GIGYF2: variants seen among roughly 807,000 people sequenced by gnomAD.
The protein encoded by GIGYF2 is GRB10-interacting GYF protein 2.
In GIGYF2, 25 loss-of-function variants were observed where a neutral mutation model predicts 208.1. That is an observed-to-expected ratio of 0.12 (90% CI 0.09 to 0.17). The LOEUF is 0.17. GIGYF2 is among the 10% of genes least tolerant of loss of function. GIGYF2 has a pLI of 1.00. For missense variants in GIGYF2, 1,302 were observed against 1,579.4 expected (o/e 0.82, Z 2.98); for synonymous variants, 534 against 543.8 (o/e 0.98, Z 0.25).
chr2:232,757,830 T>C (rs1266509812), intron 6 of GIGYF2, among the ~76,000 whole-genome samples: 1 of 135,326 alleles, frequency 7.4e-6, no homozygotes, highest in Non-Finnish European at 1.7e-5. Flanking sequence ...TTCTCCTTGC[T>C]TTTTGGTTTA....
chr2:232,740,138 G>T (rs995106475), intron 3 of GIGYF2, among the ~76,000 whole-genome samples: 7 of 151,780 alleles, frequency 4.6e-5, no homozygotes, highest in Admixed American at 1.3e-4. Context: ...ACGAATATTT[G>T]GTGATTTAAA....
chr2:232,729,737 A>T, intron 2 of GIGYF2: 5 of 754,856 alleles, frequency 6.6e-6, no homozygotes, highest in Non-Finnish European at 1.2e-5. Context: ...TAATTTTGCC[A>T]TATCTGTCTT....
intron 2 of GIGYF2, among the ~76,000 whole-genome samples, chr2:232,729,207 T>C (rs114346957): frequency 6.2e-4 from 94 of 152,306 alleles, no homozygotes; most frequent in Non-Finnish European, 1.2e-3. Context: ...CTTGAACTTC[T>C]GAGCTCAAGT....
At chr2:232,789,931 A>G (rs753604934) in intron 9 of GIGYF2, among the ~76,000 whole-genome samples, 2 of 151,984 alleles carry the variant, frequency 1.3e-5, no homozygotes, top group Non-Finnish European at 2.9e-5. Context: ...CCGTAGGGGT[A>G]TTATATGGAT....
At chr2:232,825,536 T>C (rs1015425576) in intron 21 of GIGYF2, among the ~76,000 whole-genome samples, 10 of 152,070 alleles carry the variant, frequency 6.6e-5, no homozygotes, top group Non-Finnish European at 1.0e-4. Flanking sequence ...ATGGTAAAGT[T>C]TGAATGTGTC....
chr2:232,819,913 T>C lies in GIGYF2; in HGVS notation c.2457T>C (p.Ala819=). ...AAGAAAGACAGCAGCAAGAAGAAGC[T>C]CTTAGAAGACTGGAAGAGAGGAGAA... The part of the protein sequence containing the change: ...EEEERQQQEE[A]LRRLEERRRE... The change falls in exon 21 of 29, where the codon GCT becomes GCC. Residue 819 remains alanine (A), a synonymous_variant. Transcript: ENST00000373563. 1 of 1,581,562 alleles carries C rather than the reference T, an allele frequency of 6.3e-7. No individual in the cohort carries two copies. The highest frequency in any genetic ancestry group is 8.7e-7 in the Non-Finnish European group (1 of 1,151,986).
intron 3 of GIGYF2, among the ~76,000 whole-genome samples, chr2:232,746,518 C>T (rs1698156731): frequency 2.0e-5 from 3 of 152,148 alleles, no homozygotes; most frequent in Non-Finnish European, 4.4e-5. Flanking sequence ...AGTTTTTCCA[C>T]TTGCTGTCTG....
At position 232,810,919 on chromosome 2, in the gene GIGYF2, G is replaced by A. The variant is rs1363951357; in HGVS notation, c.1899-325G>A. 1.1e-5 allele frequency: 3 copies of A among 269,414 alleles called. No homozygotes were observed. The East Asian group carries it at 2.7e-4, about 25-fold the overall frequency. The allele number at this position is 269,414 out of a possible 1,614,324, so 16.7% of individuals were successfully genotyped here. A position where few individuals can be genotyped will look rare whatever the true frequency, so the allele number is the denominator to read the frequency against. On this transcript the variant is annotated intron_variant, in intron 16 of 28. Transcript: ENST00000373563. ...ATTTTTCATTTGATTTCTGATAAAAGGTTATCTTTGGAGTTTACCAATTTT... is the reference window on the plus strand; with the variant it reads ...ATTTTTCATTTGATTTCTGATAAAAAGTTATCTTTGGAGTTTACCAATTTT...
rs939593360 is a variant in GIGYF2, at chr2:232,845,296, G to A, written c.3306-436G>A. Among the ~76,000 whole-genome samples, 4 of 152,182 alleles carry A rather than the reference G, an allele frequency of 2.6e-5. 1 individual carries two copies. Among genetic ancestry groups the A allele is most frequent in the Admixed American group, 1.3e-4 (2 of 15,276 alleles). On this transcript the variant is annotated intron_variant, in intron 25 of 28. Coordinates refer to ENST00000373563, the MANE Select transcript of GIGYF2 (RefSeq NM_001103146.3). Reference sequence around the variant, plus strand: ...TCAGATTGTTTCTTCTTGATTTAGGGCCTAACATATTATGAATAGAACAAT... The same window carrying A: ...TCAGATTGTTTCTTCTTGATTTAGGACCTAACATATTATGAATAGAACAAT...
intron 6 of GIGYF2, among the ~76,000 whole-genome samples, chr2:232,759,325 C>T (rs902606113): frequency 1.2e-4 from 18 of 152,118 alleles, no homozygotes; most frequent in African/African-American, 4.3e-4. Context: ...GCTAAGATTT[C>T]ACCTAGTTAC....
At chr2:232,840,563 G>A (rs1172548178) in intron 23 of GIGYF2, among the ~76,000 whole-genome samples, 1 of 152,008 alleles carries the variant, frequency 6.6e-6, no homozygotes, top group Non-Finnish European at 1.5e-5. Flanking sequence ...TTCAACACAT[G>A]TTTACTGAGT....
At chr2:232,706,966 AT>A (rs1199820455) in intron 2 of GIGYF2, among the ~76,000 whole-genome samples, 2,706 of 85,398 alleles carry the variant, frequency 0.032, 90 homozygotes, top group African/African-American at 0.094. Flanking sequence ...AAAAAAAAAA[AT>A]TTTTTTTTTC....
chr2:232,768,766 T>G, intron 8 of GIGYF2: 1 of 1,599,990 alleles, frequency 6.3e-7, no homozygotes, highest in Non-Finnish European at 8.5e-7. Context: ...GTAAAGCGAA[T>G]TGAAAAAGCT....
At chr2:232,739,491 A>G (rs1447521164) in intron 3 of GIGYF2, among the ~76,000 whole-genome samples, 1 of 149,530 alleles carries the variant, frequency 6.7e-6, no homozygotes, top group Non-Finnish European at 1.5e-5. Flanking sequence ...TCGGCAACAC[A>G]GTGAGATCCT....
chr2:232,739,007 A>G (rs1446905617), intron 3 of GIGYF2, among the ~76,000 whole-genome samples: 1 of 152,168 alleles, frequency 6.6e-6, no homozygotes, highest in African/African-American at 2.4e-5. Flanking sequence ...TTCATTAACA[A>G]AATAAACACA....
At chr2:232,729,403 G>T in intron 2 of GIGYF2, 1 of 458,172 alleles carries the variant, frequency 2.2e-6, no homozygotes, top group Non-Finnish European at 3.6e-6. Flanking sequence ...GCAGAACACT[G>T]TTCTGAGTAA....
intron 14 of GIGYF2, among the ~76,000 whole-genome samples, chr2:232,796,759 G>T (rs997286317): frequency 1.3e-5 from 2 of 151,920 alleles, no homozygotes; most frequent in Non-Finnish European, 2.9e-5. Flanking sequence ...ACTCGGGAGG[G>T]TGAGGCAGGA....
Position 232,739,570 on chromosome 2 carries a change from T to C in GIGYF2, c.41+4332T>C, listed in dbSNP as rs188842395. Among the ~76,000 whole-genome samples the C allele has an allele frequency of 4.0e-5, 6 of 151,834 alleles. No homozygotes were observed. The East Asian group carries it at 7.8e-4, about 20-fold the overall frequency. On this transcript the variant is annotated intron_variant, in intron 3 of 28. Coordinates refer to ENST00000373563, the MANE Select transcript of GIGYF2 (RefSeq NM_001103146.3). ...GGTGCATATGTTTGGTGTCAGCTAC[T>C]TGGAAGGCTGAAGTGAGAGGATCAC...
At chr2:232,820,759 A>G (rs553186696) in intron 21 of GIGYF2, among the ~76,000 whole-genome samples, 7 of 152,130 alleles carry the variant, frequency 4.6e-5, no homozygotes, top group East Asian at 1.9e-4. Context: ...TTTGGGATCT[A>G]TGTTAAGGAG....
Sources: allele counts gnomAD v4.1 joint callset (sites outside exome capture counted in the v4.1 genomes callset), GRCh38; gene constraint gnomAD v4.1.1; transcripts MANE v1.5; gene names NCBI Gene and HGNC (gene_info 2026-07-23, HGNC 2026-07-21).